Variants in L3MBTL2 observed in about 807,000 individuals in gnomAD.
L3MBTL2 encodes the protein L3MBTL histone methyl-lysine binding protein 2, also known as lethal(3)malignant brain tumor-like protein 2.
L3MBTL2 carries 49 observed loss-of-function variants against 86.4 expected under a neutral mutation model. That is an observed-to-expected ratio of 0.57 (90% CI 0.45 to 0.72). L3MBTL2 has a LOEUF of 0.72. Ranked by LOEUF, L3MBTL2 falls within the 30% of genes least tolerant of loss-of-function variation. The probability of loss-of-function intolerance (pLI) is 0.00; values close to 1 mark genes in which losing one functional copy is unlikely to be tolerated. For synonymous variants in L3MBTL2, 336 were observed against 350.6 expected (o/e 0.96, Z 0.47); for missense variants, 755 against 923.7 (o/e 0.82, Z 2.37).
At chr22:41,228,242 A>G in intron 15 of L3MBTL2, 2 of 985,422 alleles carry the variant, frequency 2.0e-6, no homozygotes, top group Non-Finnish European at 2.4e-6. Flanking sequence ...AGGAAGAAAT[A>G]GAAGCTGTCT....
At position 41,225,155 on chromosome 22, in the gene L3MBTL2, C is replaced by T. The variant is rs759551135; in HGVS notation, c.1356+84C>T. 5.1e-5 allele frequency: 54 copies of T among 1,050,028 alleles called. No homozygotes were observed. The highest frequency in any genetic ancestry group is 6.9e-5 in the Non-Finnish European group (49 of 713,792). The allele number at this position is 1,050,028 out of a possible 1,614,324, so 65.0% of individuals were successfully genotyped here. ...CCAGAGCTCTAACCCCACTCGCCAC[C>T]GTCAGGGGGTCTGTGTCCCAGCCTC... On this transcript the variant is annotated intron_variant, in intron 11 of 16. Transcript: ENST00000216237. The surrounding 1 kb of genome is among the most constrained non-coding windows in gnomAD (Gnocchi z 4.1).
chr22:41,208,123 C>A (rs1386091856), intron 1 of L3MBTL2, among the ~76,000 whole-genome samples: 5 of 151,808 alleles, frequency 3.3e-5, no homozygotes, highest in Admixed American at 2.0e-4. Flanking sequence ...TGAGCCACCG[C>A]ACCCAGCTTT....
intron 15 of L3MBTL2, among the ~76,000 whole-genome samples, chr22:41,228,722 C>CAT (rs2032365374): frequency 6.6e-6 from 1 of 151,942 alleles, no homozygotes. Context: ...TGGTGGCAGG[C>CAT]GCCTGTAATC....
intron 1 of L3MBTL2, chr22:41,208,505 T>C: frequency 7.7e-6 from 2 of 261,262 alleles, no homozygotes; most frequent in Non-Finnish European, 1.5e-5. Context: ...GTCAAATATT[T>C]TTATTTTATA....
chr22:41,220,862 C>T lies in L3MBTL2; in HGVS notation c.847C>T (p.Pro283Ser). 6.2e-7 allele frequency: 1 copy of T among 1,612,904 alleles called. No individual in the cohort carries two copies. The highest frequency in any genetic ancestry group is 2.2e-5 in the East Asian group (1 of 44,796). ...CAINSKILVP[P>S]RTIHAKFTDW... Reference sequence around the variant, plus strand: ...CATCAACAGCAAGATCCTAGTGCCCCCACGGAGTGAGTTGATGAGAACATT... The same window carrying T: ...CATCAACAGCAAGATCCTAGTGCCCTCACGGAGTGAGTTGATGAGAACATT... The change falls in exon 7 of 17, where the codon CCA becomes TCA. Residue 283 changes from proline to serine, a missense_variant. Pro to Ser is a moderately conservative substitution (Grantham distance 74). This residue lies in a region of L3MBTL2 where 634 missense variants were observed against 748.9 expected (regional missense o/e 0.85). Coordinates refer to ENST00000216237, the MANE Select transcript of L3MBTL2 (RefSeq NM_031488.5).
intron 2 of L3MBTL2, among the ~76,000 whole-genome samples, chr22:41,210,470 C>T (rs1476326873): frequency 6.6e-6 from 1 of 152,208 alleles, no homozygotes; most frequent in Non-Finnish European, 1.5e-5. Context: ...GCTGGGACTA[C>T]AGGCGCCCGC....
chr22:41,224,513 G>A lies in L3MBTL2; in HGVS notation c.1175-212G>A, dbSNP rs535374454. Among the ~76,000 whole-genome samples, 2 of 152,278 alleles carry A rather than the reference G, an allele frequency of 1.3e-5. No individual in the cohort carries two copies. The highest frequency in any genetic ancestry group is 4.8e-5 in the African/African-American group (2 of 41,558). On this transcript the variant is annotated intron_variant, in intron 9 of 16. Transcript: ENST00000216237. The surrounding 1 kb of genome is among the most constrained non-coding windows in gnomAD (Gnocchi z 4.9). ...TCAATGCGGGAGCAGTCTGGGTTTC[G>A]AGGGCTGAAGAGTCCCTACAGAGAG...
At chr22:41,209,416 A>G (rs2030529603) in intron 1 of L3MBTL2, 1 of 360,582 alleles carries the variant, frequency 2.8e-6, no homozygotes, top group African/African-American at 2.1e-5. Flanking sequence ...CCACATTGTT[A>G]TACAGTATTC....
chr22:41,217,036 G>C, intron 4 of L3MBTL2, 87 bp from the exon 5 acceptor site: 1 of 1,034,092 alleles, frequency 9.7e-7, no homozygotes, highest in Non-Finnish European at 1.5e-6. Context: ...ACCTACCTCT[G>C]CAGGTCCCAC....
rs922965877 is a variant in L3MBTL2, at chr22:41,227,999, C to G, written c.1888+130C>G. 6.9e-7 allele frequency: 1 copy of G among 1,441,970 alleles called. No individual in the cohort carries two copies. The highest frequency in any genetic ancestry group is 1.4e-5 in the African/African-American group (1 of 69,462). 89.3% of individuals were successfully genotyped at this position (1,441,970 alleles called of 1,614,324 possible). A position where few individuals can be genotyped will look rare whatever the true frequency, so the allele number is the denominator to read the frequency against. On this transcript the variant is annotated intron_variant, in intron 15 of 16. Coordinates refer to ENST00000216237, the MANE Select transcript of L3MBTL2 (RefSeq NM_031488.5). This position sits in a 1 kb window ranked among gnomAD's most constrained non-coding sequence, Gnocchi z 6.0. ...GCTGTCCTACTGACGTAGCTCTCTTCGTGTTCCTGTCCTGTCTCTTTCCCC... is the reference window on the plus strand; with the variant it reads ...GCTGTCCTACTGACGTAGCTCTCTTGGTGTTCCTGTCCTGTCTCTTTCCCC...
At chr22:41,212,396 C>CTTTTT (rs10553071) in intron 2 of L3MBTL2, among the ~76,000 whole-genome samples, 1 of 125,828 alleles carries the variant, frequency 7.9e-6, no homozygotes, top group Non-Finnish European at 1.6e-5. Context: ...TAGGTTCAGG[C>CTTTTT]TTTTTTTTTT....
chr22:41,216,011 C>T (rs967852555), intron 3 of L3MBTL2, 128 bp from the exon 4 acceptor site: 1 of 1,042,856 alleles, frequency 9.6e-7, no homozygotes, highest in Non-Finnish European at 1.4e-6. Flanking sequence ...CTGTTTCACA[C>T]ATGAAGAAAC....
intron 3 of L3MBTL2, among the ~76,000 whole-genome samples, chr22:41,215,917 C>T (rs2031316222): frequency 6.6e-6 from 1 of 152,182 alleles, no homozygotes; most frequent in African/African-American, 2.4e-5. Flanking sequence ...TCTCTCCCTG[C>T]TCTGCAGCAC....
chr22:41,230,569 C>T lies in L3MBTL2; in HGVS notation c.*318C>T, dbSNP rs1436763789. ...GCTCTTCCTTAAGATGGCCTCCCCC[C>T]GACCCGCCACGGCCCTCAGTTGCCA... On this transcript the variant is annotated 3_prime_UTR_variant, in exon 17 of 17. Transcript: ENST00000216237. The T allele has an allele frequency of 1.4e-5, 5 of 355,910 alleles. No individual in the cohort carries two copies. The highest frequency in any genetic ancestry group is 2.1e-5 in the African/African-American group (1 of 46,920). 22.0% of individuals were successfully genotyped at this position (355,910 alleles called of 1,614,324 possible).
rs1329803107 is a variant in L3MBTL2, at chr22:41,230,516, G to C, written c.*265G>C. ...CTGTGAACCACCTTTTCCAGCCAGA[G>C]TTCCCAAAGCTGGAACGCTAGCTGC... On this transcript the variant is annotated 3_prime_UTR_variant, in exon 17 of 17. Transcript: ENST00000216237. 1 of 461,726 alleles carries C rather than the reference G, an allele frequency of 2.2e-6. No homozygotes were observed. Among genetic ancestry groups the C allele is most frequent in the Non-Finnish European group, 3.9e-6 (1 of 258,130 alleles). The allele number at this position is 461,726 out of a possible 1,614,324, so 28.6% of individuals were successfully genotyped here. A position where few individuals can be genotyped will look rare whatever the true frequency, so the allele number is the denominator to read the frequency against.
At chr22:41,221,344 C>G in intron 8 of L3MBTL2, 57 bp downstream of exon 8, 1 of 1,393,482 alleles carries the variant, frequency 7.2e-7, no homozygotes, top group Non-Finnish European at 1.0e-6. Flanking sequence ...TTTTCTGCAT[C>G]CTGCATGCCA....
chr22:41,211,506 C>T (rs983930267), intron 2 of L3MBTL2, among the ~76,000 whole-genome samples: 3 of 147,354 alleles, frequency 2.0e-5, no homozygotes, highest in Non-Finnish European at 4.5e-5. Context: ...CACCCAGCCC[C>T]AAACTCGTTA....
intron 2 of L3MBTL2, 103 bp downstream of exon 2, chr22:41,210,036 G>A: frequency 3.4e-6 from 5 of 1,470,032 alleles, no homozygotes; most frequent in Non-Finnish European, 4.6e-6. Context: ...AGATGTAAAA[G>A]GCTATTAACT....
intron 8 of L3MBTL2, 129 bp downstream of exon 8, chr22:41,221,416 C>G: frequency 1.2e-6 from 1 of 809,368 alleles, no homozygotes; most frequent in Non-Finnish European, 2.0e-6. Flanking sequence ...CCACATTTTG[C>G]AAGGCTAGAG....
Sources: allele counts gnomAD v4.1 joint callset (sites outside exome capture counted in the v4.1 genomes callset), GRCh38; gene constraint gnomAD v4.1.1; regional missense constraint gnomAD v4.1.1; non-coding constraint Gnocchi (gnomAD v3.1); transcripts MANE v1.5; gene names NCBI Gene and HGNC (gene_info 2026-07-23, HGNC 2026-07-21).